MEIS2: variants seen among roughly 807,000 people sequenced by gnomAD.
The protein encoded by MEIS2 is homeobox protein Meis2.
In MEIS2, 9 loss-of-function variants were observed where a neutral mutation model predicts 58.6. That is an observed-to-expected ratio of 0.15 (90% CI 0.09 to 0.27). MEIS2 has a LOEUF of 0.27. Among genes scored for constraint, MEIS2 ranks in the 10% least tolerant of loss-of-function variants. The probability of loss-of-function intolerance (pLI) is 1.00; values close to 1 mark genes in which losing one functional copy is unlikely to be tolerated. For missense variants in MEIS2, 427 were observed against 635.0 expected, an observed-to-expected ratio of 0.67 and a Z score of 3.52; for synonymous variants, 221 against 228.4, an observed-to-expected ratio of 0.97 and a Z score of 0.29.
At chr15:36,997,492 T>C (rs80339295) in intron 8 of MEIS2, among the ~76,000 whole-genome samples, 22 of 147,510 alleles carry the variant, frequency 1.5e-4, no homozygotes, top group African/African-American at 3.4e-4. Context: ...TCTCTCTCTT[T>C]TTTTTTTTTT....
chr15:37,059,799 G>C (rs1888945678), intron 7 of MEIS2, among the ~76,000 whole-genome samples: 1 of 152,002 alleles, frequency 6.6e-6, no homozygotes, highest in Non-Finnish European at 1.5e-5. Context: ...AAATTAGCTG[G>C]GTGTGGTGGC....
intron 8 of MEIS2, among the ~76,000 whole-genome samples, chr15:36,961,285 T>C (rs949014117): frequency 8.5e-5 from 13 of 152,124 alleles, no homozygotes; most frequent in African/African-American, 3.1e-4. Context: ...CCTGTGAACA[T>C]GTATTTTTCT....
chr15:37,052,222 T>C (rs1296663652), intron 7 of MEIS2, among the ~76,000 whole-genome samples: 6 of 152,344 alleles, frequency 3.9e-5, no homozygotes, highest in Middle Eastern at 3.4e-3. Flanking sequence ...GCCTGCTCCA[T>C]GCCTTCAGAT....
At chr15:36,954,402 G>T (rs2058878875) in intron 8 of MEIS2, among the ~76,000 whole-genome samples, 1 of 148,922 alleles carries the variant, frequency 6.7e-6, no homozygotes, top group African/African-American at 2.4e-5. Context: ...TGTGTGTACT[G>T]CTTTAAATAA....
intron 7 of MEIS2, among the ~76,000 whole-genome samples, chr15:37,075,973 T>C (rs2141889217): frequency 6.6e-6 from 1 of 152,078 alleles, no homozygotes; most frequent in South Asian, 2.1e-4. Context: ...ACTAAAGTGG[T>C]TCACTTTCAT....
At chr15:37,059,410 T>C (rs934748602) in intron 7 of MEIS2, among the ~76,000 whole-genome samples, 2 of 152,162 alleles carry the variant, frequency 1.3e-5, no homozygotes, top group Admixed American at 6.5e-5. Flanking sequence ...ATATGGGAGA[T>C]AAAGAATTAC....
At chr15:37,002,166 C>T (rs917807233) in intron 8 of MEIS2, among the ~76,000 whole-genome samples, 4 of 152,172 alleles carry the variant, frequency 2.6e-5, no homozygotes, top group African/African-American at 9.7e-5. Context: ...TCCTGTTGCT[C>T]AGGCAGCCTT....
chr15:36,971,895 A>T (rs2059584863), intron 8 of MEIS2, among the ~76,000 whole-genome samples: 1 of 152,180 alleles, frequency 6.6e-6, no homozygotes. Context: ...TGCAAAATGG[A>T]AAAGAATATA....
chr15:37,088,943 G>T (rs529410256), intron 6 of MEIS2, among the ~76,000 whole-genome samples: 1 of 152,072 alleles, frequency 6.6e-6, no homozygotes, highest in Non-Finnish European at 1.5e-5. Flanking sequence ...ATGTCTATGT[G>T]GTTGTCAATT....
At chr15:36,926,009 C>T (rs533232042) in intron 9 of MEIS2, among the ~76,000 whole-genome samples, 2 of 152,262 alleles carry the variant, frequency 1.3e-5, no homozygotes, top group South Asian at 2.1e-4. Context: ...CTGCATCATC[C>T]GTTTTTTCAC....
At chr15:36,930,239 A>G (rs975522658) in intron 9 of MEIS2, among the ~76,000 whole-genome samples, 13 of 151,836 alleles carry the variant, frequency 8.6e-5, no homozygotes, top group South Asian at 2.1e-4. Flanking sequence ...GAGAGAAAAA[A>G]AAAGTTATCC....
intron 6 of MEIS2, among the ~76,000 whole-genome samples, chr15:37,091,313 T>C (rs1893485550): frequency 6.6e-6 from 1 of 152,156 alleles, no homozygotes; most frequent in African/African-American, 2.4e-5. Flanking sequence ...TGTCCCTGCA[T>C]AAAATACAAG....
intron 8 of MEIS2, among the ~76,000 whole-genome samples, chr15:37,028,997 T>G (rs972383090): frequency 2.0e-5 from 3 of 151,324 alleles, no homozygotes; most frequent in African/African-American, 7.3e-5. Context: ...TAGGACAGCA[T>G]GTCCACGGGA....
In MEIS2 at chr15:37,093,621, T is replaced by G; in HGVS notation, c.599A>C (p.His200Pro). Reference sequence around the variant, plus strand: ...TGTGGAGGAGCCTGAAAGTTCTTCATGATCTGACTTGGAGCTGCCGTCTCT... The same window carrying G: ...TGTGGAGGAGCCTGAAAGTTCTTCAGGATCTGACTTGGAGCTGCCGTCTCT... ...DERDGSSKSD[H>P]EELSGSSTNL... Residue 200 changes from histidine to proline, a missense_variant, in exon 6 of 12, where the codon CAT becomes CCT. Physicochemically the swap from His to Pro is moderately conservative, Grantham distance 77 (BLOSUM62 -2). Coordinates refer to ENST00000561208, the MANE Select transcript of MEIS2 (RefSeq NM_170675.5). 1 of 1,614,212 alleles carries G rather than the reference T, an allele frequency of 6.2e-7. No homozygotes were observed. Among genetic ancestry groups the G allele is most frequent in the Non-Finnish European group, 8.5e-7 (1 of 1,180,026 alleles).
intron 8 of MEIS2, among the ~76,000 whole-genome samples, chr15:36,999,097 A>G: frequency 6.6e-6 from 1 of 152,192 alleles, no homozygotes; most frequent in Non-Finnish European, 1.5e-5. Flanking sequence ...TGGCCTGAAG[A>G]CAAAGCCAAT....
intron 8 of MEIS2, among the ~76,000 whole-genome samples, chr15:36,960,782 G>A (rs2059153482): frequency 6.6e-6 from 1 of 152,084 alleles, no homozygotes; most frequent in South Asian, 2.1e-4. Context: ...GAATTTATCT[G>A]ACTTTTAAAA....
chr15:36,920,915 C>T (rs1440868733), intron 9 of MEIS2, among the ~76,000 whole-genome samples: 3 of 152,120 alleles, frequency 2.0e-5, no homozygotes, highest in African/African-American at 7.2e-5. Flanking sequence ...CCAGCGCTCA[C>T]GGCCGGGAGG....
chr15:36,961,034 A>G (rs2059161953), intron 8 of MEIS2, among the ~76,000 whole-genome samples: 1 of 152,034 alleles, frequency 6.6e-6, no homozygotes, highest in Non-Finnish European at 1.5e-5. Context: ...CCTTTTTTTT[A>G]GAACAGCCTC....
At chr15:37,046,140 G>A (rs1028990239) in intron 7 of MEIS2, among the ~76,000 whole-genome samples, 2 of 152,214 alleles carry the variant, frequency 1.3e-5, no homozygotes, top group Non-Finnish European at 2.9e-5. Context: ...CAGGATTTAC[G>A]CAGGCTCTCC....
Sources: allele counts gnomAD v4.1 joint callset (sites outside exome capture counted in the v4.1 genomes callset), GRCh38; gene constraint gnomAD v4.1.1; transcripts MANE v1.5; gene names NCBI Gene and HGNC (gene_info 2026-07-23, HGNC 2026-07-21).